Variants in PDE4B observed in about 807,000 individuals in gnomAD.
PDE4B encodes the protein 3',5'-cyclic-AMP phosphodiesterase 4B.
A neutral mutation model predicts 82.2 loss-of-function variants in PDE4B; 20 were observed. That is an observed-to-expected ratio of 0.24 (90% CI 0.17 to 0.35). The LOEUF (loss-of-function observed/expected upper bound fraction) is 0.35, where lower values mean the gene tolerates loss of function less well. PDE4B is among the 10% of genes least tolerant of loss of function. PDE4B has a pLI of 1.00. For synonymous variants in PDE4B, 320 were observed against 318.9 expected (o/e 1.00, Z -0.04); for missense variants, 655 against 907.2 (o/e 0.72, Z 3.57).
At chr1:66,146,213 T>C (rs1646268096) in intron 3 of PDE4B, among the ~76,000 whole-genome samples, 1 of 118,604 alleles carries the variant, frequency 8.4e-6, no homozygotes, top group Non-Finnish European at 1.6e-5. Flanking sequence ...AGACGGAGTC[T>C]CACTCTGTCC....
At chr1:65,884,099 G>T (rs1000481901) in intron 1 of PDE4B, among the ~76,000 whole-genome samples, 13 of 152,152 alleles carry the variant, frequency 8.5e-5, no homozygotes, top group Admixed American at 3.3e-4. Context: ...GTTCATCAAG[G>T]ATATTGGTCT....
In PDE4B at chr1:66,368,731, G is replaced by A. The variant is rs549302599; in HGVS notation, c.1663-56G>A. On this transcript the variant is annotated intron_variant, in intron 15 of 16. Transcript: ENST00000341517. ...CGTACTAGTATGAGAGGCATGAGAT[G>A]TTCCGGCAGTATTTACACCTAATTT... 82 of 1,358,872 alleles carry A rather than the reference G, an allele frequency of 6.0e-5. No individual in the cohort carries two copies. In the South Asian group the frequency reaches 1.3e-3, roughly 22 times the overall value. 84.2% of individuals were successfully genotyped at this position (1,358,872 alleles called of 1,614,324 possible).
At chr1:66,187,044 G>GC (rs1647251846) in intron 3 of PDE4B, among the ~76,000 whole-genome samples, 1 of 152,220 alleles carries the variant, frequency 6.6e-6, no homozygotes, top group East Asian at 1.9e-4. Flanking sequence ...TTAGTATGAA[G>GC]GTTGTTGAAT....
At chr1:66,318,170 T>G (rs1557697528) in intron 7 of PDE4B, among the ~76,000 whole-genome samples, 2 of 152,228 alleles carry the variant, frequency 1.3e-5, no homozygotes, top group Non-Finnish European at 2.9e-5. Flanking sequence ...ATATCAACTT[T>G]GAATTCAGGC....
At position 65,951,902 on chromosome 1, in the gene PDE4B, C is replaced by T. The variant is rs1007152403; in HGVS notation, c.281+33067C>T. Among the ~76,000 whole-genome samples the T allele has an allele frequency of 2.0e-5, 3 of 151,902 alleles. 1 individual carries two copies. Among genetic ancestry groups the T allele is most frequent in the South Asian group, 4.2e-4 (2 of 4,818 alleles). On this transcript the variant is annotated intron_variant, in intron 3 of 16. Coordinates refer to ENST00000341517, the MANE Select transcript of PDE4B (RefSeq NM_002600.4). Reference sequence around the variant, plus strand: ...AATCCCACTGTGAGGAAACAAATCCCGATACTCTAAGGTTTGGCAATGGAG... The same window carrying T: ...AATCCCACTGTGAGGAAACAAATCCTGATACTCTAAGGTTTGGCAATGGAG...
At chr1:65,943,853 A>G (rs1011757390) in intron 3 of PDE4B, among the ~76,000 whole-genome samples, 1 of 152,028 alleles carries the variant, frequency 6.6e-6, no homozygotes, top group African/African-American at 2.4e-5. Context: ...CTGAAACTTT[A>G]CCGAATTTTG....
At chr1:66,318,008 G>GGCT (rs1659144758) in intron 7 of PDE4B, among the ~76,000 whole-genome samples, 1 of 152,196 alleles carries the variant, frequency 6.6e-6, no homozygotes, top group South Asian at 2.1e-4. Flanking sequence ...TGCCAAACCT[G>GGCT]GCTGAGGATG....
Position 66,043,593 on chromosome 1 carries a change from A to C in PDE4B, c.281+124758A>C, listed in dbSNP as rs554441937. Among the ~76,000 whole-genome samples the C allele has an allele frequency of 4.6e-5, 7 of 151,840 alleles. 1 individual carries two copies. In the South Asian group the frequency reaches 1.5e-3, roughly 32 times the overall value. On this transcript the variant is annotated intron_variant, in intron 3 of 16. Transcript: ENST00000341517. Reference sequence around the variant, plus strand: ...TCTGGTACATTGCCTAGGACCCTGGAGATCTTTTATTTTTCCTAAAAATCT... The same window carrying C: ...TCTGGTACATTGCCTAGGACCCTGGCGATCTTTTATTTTTCCTAAAAATCT...
intron 1 of PDE4B, among the ~76,000 whole-genome samples, chr1:65,875,751 T>C (rs989268782): frequency 1.1e-4 from 15 of 131,788 alleles, no homozygotes; most frequent in Non-Finnish European, 2.2e-4. Flanking sequence ...AACTGAACAA[T>C]GAGATCACAT....
chr1:65,943,579 G>A (rs1392132337), intron 3 of PDE4B, among the ~76,000 whole-genome samples: 2 of 151,980 alleles, frequency 1.3e-5, no homozygotes, highest in African/African-American at 4.8e-5. Flanking sequence ...TGAATTTGTA[G>A]ATCACTTTGG....
intron 3 of PDE4B, among the ~76,000 whole-genome samples, chr1:66,147,803 G>A (rs1157299090): frequency 6.6e-6 from 1 of 152,176 alleles, no homozygotes; most frequent in Non-Finnish European, 1.5e-5. Context: ...CTTGTAAGGA[G>A]CTCTGTCCTA....
chr1:66,217,340 A>G (rs1650544602), intron 3 of PDE4B, among the ~76,000 whole-genome samples: 2 of 152,158 alleles, frequency 1.3e-5, no homozygotes, highest in Non-Finnish European at 2.9e-5. Flanking sequence ...CGCAATGACT[A>G]GCAACAGTGG....
chr1:66,198,062 A>C (rs1276430408), intron 3 of PDE4B, among the ~76,000 whole-genome samples: 1 of 152,174 alleles, frequency 6.6e-6, no homozygotes, highest in Non-Finnish European at 1.5e-5. Flanking sequence ...CAGTTGCAAG[A>C]AGAATGTGAG....
intron 3 of PDE4B, among the ~76,000 whole-genome samples, chr1:66,165,448 G>T (rs984940832): frequency 1.3e-5 from 2 of 151,766 alleles, no homozygotes; most frequent in African/African-American, 2.4e-5. Context: ...CATCGTAAAA[G>T]AACTTAATTG....
intron 1 of PDE4B, among the ~76,000 whole-genome samples, chr1:65,815,097 G>A (rs920652126): frequency 2.7e-5 from 4 of 149,734 alleles, no homozygotes; most frequent in Non-Finnish European, 4.4e-5. Flanking sequence ...TACGGTACAC[G>A]TGCACAATGT....
chr1:66,345,025 A>G (rs987783887), intron 8 of PDE4B, among the ~76,000 whole-genome samples: 20 of 152,144 alleles, frequency 1.3e-4, no homozygotes, highest in Non-Finnish European at 1.8e-4. Flanking sequence ...AACATATTTG[A>G]AGCATCCCTT....
rs543514386 is a variant in PDE4B at position 66,064,413 on chromosome 1, T to C, written c.281+145578T>C. Among the ~76,000 whole-genome samples the C allele has an allele frequency of 1.9e-4, 29 of 151,910 alleles. 1 individual carries two copies. In the South Asian group the frequency reaches 5.8e-3, roughly 30 times the overall value. ...TGGGATTGGAAGTCACTAGCTGTTC[T>C]GCACTACTAAAAAAATAAAGAAATG... is the stretch of plus-strand genomic sequence containing the variant. On this transcript the variant is annotated intron_variant, in intron 3 of 16. Transcript: ENST00000341517.
intron 1 of PDE4B, among the ~76,000 whole-genome samples, chr1:65,906,014 T>A (rs774670624): frequency 6.6e-5 from 10 of 152,254 alleles, no homozygotes; most frequent in Non-Finnish European, 1.3e-4. Flanking sequence ...TGAAAAGAAG[T>A]GGTTTTTCAT....
intron 3 of PDE4B, among the ~76,000 whole-genome samples, chr1:65,978,949 A>G (rs1184222837): frequency 1.3e-5 from 2 of 152,160 alleles, no homozygotes; most frequent in African/African-American, 4.8e-5. Flanking sequence ...TTACTGCTTT[A>G]ACAAATATTT....
Sources: gnomAD v4.1 joint callset for allele counts (sites outside exome capture counted in the v4.1 genomes callset) on GRCh38, gnomAD v4.1.1 for gene constraint, MANE v1.5 for transcripts, NCBI Gene and HGNC (gene_info 2026-07-23, HGNC 2026-07-21) for gene names.